Variants in MEI4 observed in about 807,000 individuals in gnomAD.
MEI4 encodes meiotic double-stranded break formation protein 4.
MEI4 carries 27 observed loss-of-function variants against 31.4 expected under a neutral mutation model. The observed-to-expected ratio is 0.86, with a 90% CI of 0.63 to 1.19. The LOEUF (loss-of-function observed/expected upper bound fraction) is 1.19. Ranked by LOEUF, MEI4 falls within the 50% of genes most tolerant of loss-of-function variation. The pLI is 0.00. For synonymous variants in MEI4, 122 were observed against 145.4 expected (o/e 0.84, Z 1.16); for missense variants, 329 against 398.9 (o/e 0.82, Z 1.49).
intron 4 of MEI4, among the ~76,000 whole-genome samples, chr6:77,882,052 A>G (rs913623490): frequency 6.6e-6 from 1 of 152,210 alleles, no homozygotes; most frequent in African/African-American, 2.4e-5. Context: ...CTACATTTCA[A>G]AACAAATGGA....
At chr6:77,750,893 C>A (rs916231128) in intron 2 of MEI4, among the ~76,000 whole-genome samples, 4 of 152,066 alleles carry the variant, frequency 2.6e-5, no homozygotes, top group Admixed American at 2.0e-4. Flanking sequence ...TTAGCAAATG[C>A]AAAAGAAGGG....
Position 77,921,096 on chromosome 6 carries a change from C to T in MEI4, c.901-1993C>T, listed in dbSNP as rs148055227. On this transcript the variant is annotated intron_variant, in intron 4 of 4. Coordinates refer to ENST00000684080, the MANE Select transcript of MEI4 (RefSeq NM_001322247.2). ...ATTTCTCCCCTGTAGCTACAAAATT[C>T]CTAGACGGCATCTTCTTTCAGTAGA... is the stretch of plus-strand genomic sequence containing the variant. Among the ~76,000 whole-genome samples, 69 of 151,964 alleles carry T rather than the reference C, an allele frequency of 4.5e-4. No homozygotes were observed. In the East Asian group the frequency reaches 0.012, roughly 27 times the overall value.
chr6:77,791,343 A>G (rs559647481), intron 3 of MEI4, among the ~76,000 whole-genome samples: 2,181 of 152,090 alleles, frequency 0.014, 54 homozygotes, highest in African/African-American at 0.05. Context: ...ATGGAATACT[A>G]CGCAGCCATA....
chr6:77,730,182 T>C (rs1304449038), intron 2 of MEI4, among the ~76,000 whole-genome samples: 1 of 152,072 alleles, frequency 6.6e-6, no homozygotes, highest in African/African-American at 2.4e-5. Flanking sequence ...GTGTACAGTG[T>C]ATAGGGGGCA....
At chr6:77,690,571 T>G (rs2127652242) in intron 1 of MEI4, 87 bp from the exon 2 acceptor site, 1 of 560,816 alleles carries the variant, frequency 1.8e-6, no homozygotes, top group South Asian at 9.9e-5. Flanking sequence ...TTAATTAATG[T>G]TACTCTGCAA....
rs557247207 is a variant in MEI4 at position 77,714,071 on chromosome 6, T to C, written c.232+23168T>C. On this transcript the variant is annotated intron_variant, in intron 2 of 4. Coordinates refer to ENST00000684080, the MANE Select transcript of MEI4 (RefSeq NM_001322247.2). ...CCCTACAAAAGACATGATCTCATTC[T>C]TTTGTATGGCTACATAGTAGTCCAT... is the stretch of plus-strand genomic sequence containing the variant. Among the ~76,000 whole-genome samples, 349 of 152,322 alleles carry C rather than the reference T, an allele frequency of 2.3e-3. 3 individuals carry two copies. Among genetic ancestry groups the C allele is most frequent in the African/African-American group, 7.6e-3 (316 of 41,578 alleles).
chr6:77,719,401 G>C (rs1250308842), intron 2 of MEI4, among the ~76,000 whole-genome samples: 2 of 129,780 alleles, frequency 1.5e-5, no homozygotes, highest in East Asian at 2.2e-4. Flanking sequence ...AGATGGGACT[G>C]ACAATAGGTA....
At chr6:77,746,994 T>G (rs1767627289) in intron 2 of MEI4, among the ~76,000 whole-genome samples, 1 of 152,260 alleles carries the variant, frequency 6.6e-6, no homozygotes, top group Admixed American at 6.5e-5. Flanking sequence ...ATGAGTGTAT[T>G]ATTTCATTTT....
chr6:77,677,027 A>G (rs112148460), intron 1 of MEI4, among the ~76,000 whole-genome samples: 166 of 152,284 alleles, frequency 1.1e-3, no homozygotes, highest in African/African-American at 2.6e-3. Context: ...TACAATGTTA[A>G]TGGTCTATAG....
chr6:77,771,627 T>A (rs1768321364), intron 3 of MEI4, among the ~76,000 whole-genome samples: 1 of 152,096 alleles, frequency 6.6e-6, no homozygotes, highest in African/African-American at 2.4e-5. Context: ...TGAGATAATG[T>A]TCATTGCAGC....
intron 1 of MEI4, among the ~76,000 whole-genome samples, chr6:77,688,801 G>A (rs906949162): frequency 6.6e-6 from 1 of 152,050 alleles, no homozygotes; most frequent in East Asian, 1.9e-4. Flanking sequence ...TTGAAGGAGG[G>A]TCTCAAAAAC....
intron 4 of MEI4, among the ~76,000 whole-genome samples, chr6:77,916,917 C>T (rs1411027360): frequency 6.6e-6 from 1 of 150,932 alleles, no homozygotes; most frequent in Non-Finnish European, 1.5e-5. Flanking sequence ...TATCCCTCCC[C>T]CCCTACCCCC....
intron 3 of MEI4, among the ~76,000 whole-genome samples, chr6:77,796,461 C>A (rs1035361962): frequency 6.6e-6 from 1 of 151,984 alleles, no homozygotes; most frequent in Admixed American, 6.6e-5. Context: ...ATATAGAACA[C>A]CCTAAAAATG....
rs114665378 is a variant in MEI4, at chr6:77,894,519, G to T, written c.901-28570G>T. ...CATGTCATGTTCTGATAAACTGATT[G>T]TATCGAATTAGTGATGATACATAGT... On this transcript the variant is annotated intron_variant, in intron 4 of 4. Coordinates refer to ENST00000684080, the MANE Select transcript of MEI4 (RefSeq NM_001322247.2). Among the ~76,000 whole-genome samples, 266 of 152,118 alleles carry T rather than the reference G, an allele frequency of 1.7e-3. 1 individual carries two copies. Among genetic ancestry groups the T allele is most frequent in the African/African-American group, 6.0e-3 (249 of 41,498 alleles).
chr6:77,804,730 C>T (rs984588743), intron 3 of MEI4, among the ~76,000 whole-genome samples: 6 of 152,124 alleles, frequency 3.9e-5, no homozygotes, highest in South Asian at 4.1e-4. Flanking sequence ...AAAATATCTA[C>T]GTGATGGAGT....
At chr6:77,900,489 C>T (rs537728839) in intron 4 of MEI4, among the ~76,000 whole-genome samples, 3 of 151,952 alleles carry the variant, frequency 2.0e-5, no homozygotes, top group African/African-American at 7.2e-5. Context: ...AACATACGTG[C>T]TCCCCTCAGT....
chr6:77,890,575 A>ATGC (rs1771735990), intron 4 of MEI4, among the ~76,000 whole-genome samples: 1 of 152,144 alleles, frequency 6.6e-6, no homozygotes, highest in African/African-American at 2.4e-5. Flanking sequence ...TTTAGGGTTA[A>ATGC]TGCTAGAATG....
intron 2 of MEI4, among the ~76,000 whole-genome samples, chr6:77,743,454 T>A (rs1040451840): frequency 5.9e-5 from 9 of 152,238 alleles, no homozygotes; most frequent in Middle Eastern, 3.4e-3. Flanking sequence ...ATGCTTGTGA[T>A]TTTTGTACAT....
At chr6:77,705,354 A>G (rs2127657967) in intron 2 of MEI4, among the ~76,000 whole-genome samples, 1 of 152,372 alleles carries the variant, frequency 6.6e-6, no homozygotes, top group South Asian at 2.1e-4. Context: ...AGCTAAAAAG[A>G]AATGTATTGC....
Sources: gnomAD v4.1 joint callset for allele counts (sites outside exome capture counted in the v4.1 genomes callset) on GRCh38, gnomAD v4.1.1 for gene constraint, MANE v1.5 for transcripts, NCBI Gene and HGNC (gene_info 2026-07-23, HGNC 2026-07-21) for gene names.